The following UXS1 variants were observed in gnomAD, a reference collection of about 807,000 sequenced individuals.
UXS1 encodes UDP-glucuronic acid decarboxylase 1.
In UXS1, 33 loss-of-function variants were observed where a neutral mutation model predicts 62.6. The observed-to-expected ratio is 0.53, with a 90% CI of 0.40 to 0.70. The LOEUF is 0.70. Ranked by LOEUF, UXS1 falls within the 30% of genes least tolerant of loss-of-function variation. The pLI is 0.00. For missense variants in UXS1, 434 were observed against 556.3 expected (o/e 0.78, Z 2.21); for synonymous variants, 213 against 206.8 (o/e 1.03, Z -0.26).
intron 6 of UXS1, among the ~76,000 whole-genome samples, chr2:106,140,806 G>A (rs1681038505): frequency 2.0e-5 from 3 of 152,192 alleles, no homozygotes; most frequent in African/African-American, 7.2e-5. Flanking sequence ...CTTCAACAGA[G>A]ATACTACAAG....
intron 10 of UXS1, among the ~76,000 whole-genome samples, 185 bp downstream of exon 10, chr2:106,112,461 C>T (rs1678696717): frequency 1.3e-5 from 2 of 152,214 alleles, no homozygotes; most frequent in African/African-American, 4.8e-5. Context: ...ACTCTAGTTT[C>T]GTGGAGCAGC....
intron 6 of UXS1, among the ~76,000 whole-genome samples, chr2:106,136,336 T>C (rs1400900112): frequency 6.7e-6 from 1 of 148,682 alleles, no homozygotes; most frequent in Admixed American, 6.7e-5. Context: ...AGTTCAACCA[T>C]GGTGGAAGTC....
intron 1 of UXS1, among the ~76,000 whole-genome samples, chr2:106,174,292 T>C (rs1218047075): frequency 6.6e-6 from 1 of 152,236 alleles, no homozygotes; most frequent in African/African-American, 2.4e-5. Flanking sequence ...AATGAACAGC[T>C]GTTCAGAGCA....
At chr2:106,181,715 C>T (rs1684255725) in intron 1 of UXS1, among the ~76,000 whole-genome samples, 1 of 151,488 alleles carries the variant, frequency 6.6e-6, no homozygotes, top group Admixed American at 6.6e-5. Context: ...GACTCCATCT[C>T]AAAAAAAATA....
At chr2:106,137,937 G>A (rs527605633) in intron 6 of UXS1, among the ~76,000 whole-genome samples, 15 of 152,196 alleles carry the variant, frequency 9.9e-5, no homozygotes, top group East Asian at 7.7e-4. Context: ...TTATACTCAC[G>A]GGCATTTCTG....
At chr2:106,107,146 T>C (rs1339411600) in intron 10 of UXS1, among the ~76,000 whole-genome samples, 1 of 152,180 alleles carries the variant, frequency 6.6e-6, no homozygotes, top group Non-Finnish European at 1.5e-5. Context: ...TCTGTCTGCA[T>C]CCGGGGCTCT....
chr2:106,106,891 G>A (rs568696152), intron 10 of UXS1, among the ~76,000 whole-genome samples: 68 of 152,334 alleles, frequency 4.5e-4, no homozygotes, highest in African/African-American at 1.6e-3. Flanking sequence ...GCGCTGGAGT[G>A]ACCTGCATTC....
At chr2:106,096,688 C>G (rs1440927426) in intron 14 of UXS1, 30 bp downstream of exon 14, 5 of 1,529,652 alleles carry the variant, frequency 3.3e-6, no homozygotes, top group East Asian at 2.4e-5. Flanking sequence ...GGCCCCTCCC[C>G]ACAAGGCAGC....
chr2:106,138,841 G>A (rs1217972866), intron 6 of UXS1: 2 of 985,342 alleles, frequency 2.0e-6, no homozygotes, highest in African/African-American at 3.5e-5. Flanking sequence ...TTGAGAATGT[G>A]TTCTTCCTGT....
chr2:106,128,708 CA>C (rs938745377), intron 7 of UXS1, among the ~76,000 whole-genome samples: 2 of 152,162 alleles, frequency 1.3e-5, no homozygotes, highest in African/African-American at 4.8e-5. Context: ...TCTCTCGTAA[CA>C]AATCTCTTTC....
chr2:106,190,872 A>C (rs1459070987), intron 1 of UXS1, among the ~76,000 whole-genome samples: 2 of 152,098 alleles, frequency 1.3e-5, no homozygotes, highest in Non-Finnish European at 2.9e-5. Context: ...AAAATACGTT[A>C]AAGGTAATTC....
At chr2:106,155,459 C>T (rs574210427) in intron 5 of UXS1, among the ~76,000 whole-genome samples, 6 of 152,334 alleles carry the variant, frequency 3.9e-5, no homozygotes, top group Admixed American at 2.6e-4. Flanking sequence ...ACAAGGCATT[C>T]GCTCAATGAC....
intron 5 of UXS1, among the ~76,000 whole-genome samples, chr2:106,153,015 T>C (rs946890203): frequency 2.0e-5 from 3 of 150,794 alleles, no homozygotes; most frequent in Admixed American, 6.6e-5. Context: ...CTAAAGGGAG[T>C]TGACTTTATT....
chr2:106,179,585 G>A (rs558837827), intron 1 of UXS1: 2 of 152,338 alleles, frequency 1.3e-5, no homozygotes, highest in African/African-American at 4.8e-5. Context: ...CCCAAGACAG[G>A]CTTGAAGGTA....
At chr2:106,137,752 A>C (rs972797426) in intron 6 of UXS1, among the ~76,000 whole-genome samples, 5 of 152,132 alleles carry the variant, frequency 3.3e-5, no homozygotes, top group African/African-American at 1.2e-4. Context: ...CCAAGATGGC[A>C]CCATTGCACC....
intron 1 of UXS1, among the ~76,000 whole-genome samples, chr2:106,174,774 T>A (rs1465992977): frequency 6.6e-6 from 1 of 151,960 alleles, no homozygotes; most frequent in African/African-American, 2.4e-5. Flanking sequence ...AATCACAGCG[T>A]CATGGTATCA....
At chr2:106,175,569 T>C (rs1683827838) in intron 1 of UXS1, among the ~76,000 whole-genome samples, 1 of 152,148 alleles carries the variant, frequency 6.6e-6, no homozygotes, top group Non-Finnish European at 1.5e-5. Flanking sequence ...TATGATGCCT[T>C]TAGATGGTCA....
At chr2:106,118,904 GAT>G (rs1679289610) in intron 9 of UXS1, among the ~76,000 whole-genome samples, 1 of 152,076 alleles carries the variant, frequency 6.6e-6, no homozygotes, top group Non-Finnish European at 1.5e-5. Flanking sequence ...ACTTAAGGGG[GAT>G]ATGTTATTAT....
chr2:106,190,474 G>A (rs1043722828), intron 1 of UXS1, among the ~76,000 whole-genome samples: 5 of 152,098 alleles, frequency 3.3e-5, no homozygotes, highest in Non-Finnish European at 2.9e-5. Context: ...GGTTGGGTGC[G>A]GTGGCTCACG....
Sources: gnomAD v4.1 joint callset for allele counts (sites outside exome capture counted in the v4.1 genomes callset) on GRCh38, gnomAD v4.1.1 for gene constraint, MANE v1.5 for transcripts, NCBI Gene and HGNC (gene_info 2026-07-23, HGNC 2026-07-21) for gene names.